NUBP1: variants seen among roughly 807,000 people sequenced by gnomAD.
The protein encoded by NUBP1 is NUBP iron-sulfur cluster assembly factor 1, cytosolic, also known as cytosolic Fe-S cluster assembly factor NUBP1.
Under a neutral mutation model 41.8 loss-of-function variants are expected in NUBP1, and 46 were observed. That is an observed-to-expected ratio of 1.10 (90% CI 0.87 to 1.41). The LOEUF is 1.41. Among genes scored for constraint, NUBP1 ranks in the 40% most tolerant of loss-of-function variants. The probability of loss-of-function intolerance (pLI) is 0.00; values close to 1 mark genes in which losing one functional copy is unlikely to be tolerated. For missense variants in NUBP1, 494 were observed against 414.0 expected (o/e 1.19, Z -1.68); for synonymous variants, 189 against 154.6 (o/e 1.22, Z -1.65).
chr16:10,753,491 G>A (rs947843322), intron 4 of NUBP1, among the ~76,000 whole-genome samples: 7 of 151,946 alleles, frequency 4.6e-5, no homozygotes, highest in Middle Eastern at 3.4e-3. Flanking sequence ...CTCTCCAAGA[G>A]AGGATTCCCC....
intron 7 of NUBP1, 26 bp downstream of exon 7, chr16:10,758,053 G>T: frequency 6.2e-7 from 1 of 1,608,508 alleles, no homozygotes; most frequent in African/African-American, 1.3e-5. Context: ...GCTGGAGCTG[G>T]GTCCAAACTG....
intron 4 of NUBP1, among the ~76,000 whole-genome samples, chr16:10,754,191 A>C (rs1596454527): frequency 6.6e-6 from 1 of 152,132 alleles, no homozygotes; most frequent in East Asian, 1.9e-4. Flanking sequence ...ACGAGTGTAA[A>C]TAGGAATGAA....
At position 10,743,871 on chromosome 16, in the gene NUBP1, A is replaced by G; in HGVS notation, c.8A>G (p.Glu3Gly). The change falls in exon 1 of 11, where the codon GAG (glutamate) becomes GGG (glycine). Residue 3 changes from glutamate (E) to glycine (G), a missense_variant. Coordinates refer to ENST00000283027, the MANE Select transcript of NUBP1 (RefSeq NM_002484.4). ME[E>G]VPHDCPGADS... Reference sequence around the variant, plus strand: ...GGCGGCAAAGGCGACGGAATGGAGGAGGTGCCTCACGGTAAGCTCGCGGAG... The same window carrying G: ...GGCGGCAAAGGCGACGGAATGGAGGGGGTGCCTCACGGTAAGCTCGCGGAG... 6.4e-7 allele frequency: 1 copy of G among 1,565,986 alleles called. No homozygotes were observed. The highest frequency in any genetic ancestry group is 8.6e-7 in the Non-Finnish European group (1 of 1,156,344).
In NUBP1 at chr16:10,759,572, G is replaced by A. The variant is rs148725078; in HGVS notation, c.606+1545G>A. Reference sequence around the variant, plus strand: ...GCAGATTACTTGAGGTCAGGAGTTCGAGACCAGACTGGCCAATATGGCAAA... The same window carrying A: ...GCAGATTACTTGAGGTCAGGAGTTCAAGACCAGACTGGCCAATATGGCAAA... On this transcript the variant is annotated intron_variant, in intron 7 of 10. Transcript: ENST00000283027. This position sits in a 1 kb window ranked among gnomAD's most constrained non-coding sequence, Gnocchi z 4.7. Among the ~76,000 whole-genome samples, 34 of 152,198 alleles carry A rather than the reference G, an allele frequency of 2.2e-4. No homozygotes were observed. Among genetic ancestry groups the A allele is most frequent in the African/African-American group, 7.2e-4 (30 of 41,532 alleles).
chr16:10,749,122 C>CACACAG lies in NUBP1; in HGVS notation c.258+1849_258+1850insCAGACA, dbSNP rs1374642740. Among the ~76,000 whole-genome samples, 64 of 91,742 alleles carry CACACAG rather than the reference C, an allele frequency of 7.0e-4. No homozygotes were observed. Among genetic ancestry groups the CACACAG allele is most frequent in the African/African-American group, 2.8e-3 (62 of 22,528 alleles). 60.2% of individuals were successfully genotyped at this position (91,742 alleles called of 152,430 possible). ...AAAAGGATATAGATAGATACACAGA[C>CACACAG]ACATACACACACACACACACACACA... On this transcript the variant is annotated intron_variant, in intron 3 of 10. Transcript: ENST00000283027. The surrounding 1 kb of genome is among the most constrained non-coding windows in gnomAD (Gnocchi z 4.1).
chr16:10,750,517 T>C (rs1487244799), intron 3 of NUBP1, among the ~76,000 whole-genome samples: 2 of 152,138 alleles, frequency 1.3e-5, no homozygotes, highest in African/African-American at 2.4e-5. Context: ...TCTGAAATTA[T>C]AGGCGTAAGC....
Position 10,744,079 on chromosome 16 carries a change from A to G in NUBP1, c.124+14A>G, listed in dbSNP as rs1458237642. 2 of 1,562,294 alleles carry G rather than the reference A, an allele frequency of 1.3e-6. No individual in the cohort carries two copies. The highest frequency in any genetic ancestry group is 1.4e-5 in the African/African-American group (1 of 72,588). ...CTCCGGACACGGGTGAGAAAAGGGC[A>G]AGGCCTCAACAGGAACTTAGAGGCG... On this transcript the variant is annotated intron_variant, in intron 2 of 10. Coordinates refer to ENST00000283027, the MANE Select transcript of NUBP1 (RefSeq NM_002484.4).
At chr16:10,744,087 A>C (rs558092251) in intron 2 of NUBP1, 22 bp downstream of exon 2, 8 of 1,543,896 alleles carry the variant, frequency 5.2e-6, no homozygotes, top group East Asian at 2.4e-5. Flanking sequence ...GCAAGGCCTC[A>C]ACAGGAACTT....
intron 3 of NUBP1, among the ~76,000 whole-genome samples, chr16:10,748,373 G>A (rs1183948645): frequency 6.6e-6 from 1 of 152,166 alleles, no homozygotes; most frequent in Non-Finnish European, 1.5e-5. Context: ...CCTTACACGA[G>A]TTTATTCATT....
intron 9 of NUBP1, among the ~76,000 whole-genome samples, chr16:10,762,707 C>G (rs1210586006): frequency 6.6e-6 from 1 of 152,084 alleles, no homozygotes; most frequent in Non-Finnish European, 1.5e-5. Context: ...AACTTCCACT[C>G]CATTTGTCAG....
Position 10,752,598 on chromosome 16 carries a change from T to C in NUBP1, c.259-12T>C. 1 of 1,612,664 alleles carries C rather than the reference T, an allele frequency of 6.2e-7. No homozygotes were observed. Among genetic ancestry groups the C allele is most frequent in the Non-Finnish European group, 8.5e-7 (1 of 1,178,850 alleles). On this transcript the variant is annotated splice_polypyrimidine_tract_variant and intron_variant, in intron 3 of 10. Coordinates refer to ENST00000283027, the MANE Select transcript of NUBP1 (RefSeq NM_002484.4). ...CAGTTATATAACCGCTTTGGTCTCT[T>C]CTTGTCCCCAGATTGCTCTTCTAGA... is the stretch of plus-strand genomic sequence containing the variant.
intron 4 of NUBP1, among the ~76,000 whole-genome samples, chr16:10,754,092 TAAAAG>T (rs1900445561): frequency 2.0e-5 from 3 of 152,148 alleles, no homozygotes; most frequent in East Asian, 1.9e-4. Context: ...AATTTTAAAA[TAAAAG>T]AAAATAGAAG....
intron 7 of NUBP1, 95 bp from the exon 8 acceptor site, chr16:10,761,269 G>A (rs1013414343): frequency 5.3e-5 from 59 of 1,123,012 alleles, no homozygotes; most frequent in Non-Finnish European, 5.8e-5. Flanking sequence ...CTTTATGATC[G>A]CAGATCCACT....
chr16:10,768,854 T>C lies in NUBP1; in HGVS notation c.905-193T>C. The C allele has an allele frequency of 1.8e-6, 1 of 547,830 alleles. No individual in the cohort carries two copies. Among genetic ancestry groups the C allele is most frequent in the Admixed American group, 3.3e-5 (1 of 30,060 alleles). 33.9% of individuals were successfully genotyped at this position (547,830 alleles called of 1,614,324 possible). A position where few individuals can be genotyped will look rare whatever the true frequency, so the allele number is the denominator to read the frequency against. ...GTCCGAGGAAGGCCGCAGCCACTGG[T>C]TATGAGCAAGATGGGTAGTGTGAGG... On this transcript the variant is annotated intron_variant, in intron 10 of 10. Coordinates refer to ENST00000283027, the MANE Select transcript of NUBP1 (RefSeq NM_002484.4). This position sits in a 1 kb window ranked among gnomAD's most constrained non-coding sequence, Gnocchi z 4.3.
chr16:10,761,860 G>C lies in NUBP1; in HGVS notation c.820+1G>C, dbSNP rs373364504. The C allele has an allele frequency of 4.3e-6, 7 of 1,612,450 alleles. No homozygotes were observed. The highest frequency in any genetic ancestry group is 5.9e-6 in the Non-Finnish European group (7 of 1,178,662). On this transcript the variant is annotated splice_donor_variant, in intron 9 of 10. Transcript: ENST00000283027. LOFTEE classifies it high-confidence loss of function. Reference sequence around the variant, plus strand: ...AGAGTGCCCCTGGATCCGCTCATAGGTGGGTGACCCCAGTGTGGGGCGGCA... The same window carrying C: ...AGAGTGCCCCTGGATCCGCTCATAGCTGGGTGACCCCAGTGTGGGGCGGCA...
Position 10,766,686 on chromosome 16 carries a change from A to AGGAAG in NUBP1, c.821-1259_821-1255dup. The AGGAAG allele has an allele frequency of 2.9e-6, 1 of 349,340 alleles. No individual in the cohort carries two copies. The highest frequency in any genetic ancestry group is 5.1e-6 in the Non-Finnish European group (1 of 195,444). 21.6% of individuals were successfully genotyped at this position (349,340 alleles called of 1,614,324 possible). A position where few individuals can be genotyped will look rare whatever the true frequency, so the allele number is the denominator to read the frequency against. Reference sequence around the variant, plus strand: ...ACAAAACGCACAAAGAAAGGAAGGAAGGAAGGGATTTATTGAAAATGAAAG... The same window carrying AGGAAG: ...ACAAAACGCACAAAGAAAGGAAGGAAGGAAGGGAAGGGATTTATTGAAAATGAAAG... On this transcript the variant is annotated intron_variant, in intron 9 of 10. Transcript: ENST00000283027. The surrounding 1 kb of genome is among the most constrained non-coding windows in gnomAD (Gnocchi z 4.8).
intron 3 of NUBP1, among the ~76,000 whole-genome samples, chr16:10,748,368 C>A (rs939271790): frequency 2.0e-5 from 3 of 152,172 alleles, no homozygotes; most frequent in African/African-American, 7.2e-5. Context: ...CTGGCCCTTA[C>A]ACGAGTTTAT....
intron 3 of NUBP1, 96 bp from the exon 4 acceptor site, chr16:10,752,512 CCT>C (rs1669090674): frequency 3.3e-6 from 3 of 908,146 alleles, no homozygotes; most frequent in African/African-American, 1.6e-5. Flanking sequence ...TGTCTTCTCC[CCT>C]GTCCTTTTCC....
Position 10,757,011 on chromosome 16 carries a change from G to C in NUBP1, c.451+231G>C, listed in dbSNP as rs1900605983. ...AGTTTTTCTCTCCTTAAAAGCTGTAGAACCCTGGTCGGGTGTGGTAGCTCA... is the reference window on the plus strand; with the variant it reads ...AGTTTTTCTCTCCTTAAAAGCTGTACAACCCTGGTCGGGTGTGGTAGCTCA... On this transcript the variant is annotated intron_variant, in intron 6 of 10. Transcript: ENST00000283027. The surrounding 1 kb of genome is among the most constrained non-coding windows in gnomAD (Gnocchi z 4.1). 6.6e-6 allele frequency among the ~76,000 whole-genome samples: 1 copy of C among 152,164 alleles called. No individual in the cohort carries two copies. The highest frequency in any genetic ancestry group is 2.1e-4 in the South Asian group (1 of 4,834).
Sources: allele counts gnomAD v4.1 joint callset (sites outside exome capture counted in the v4.1 genomes callset), GRCh38; gene constraint gnomAD v4.1.1; non-coding constraint Gnocchi (gnomAD v3.1); transcripts MANE v1.5; gene names NCBI Gene and HGNC (gene_info 2026-07-23, HGNC 2026-07-21).